SIMC1: variants seen among roughly 807,000 people sequenced by gnomAD.
The protein encoded by SIMC1 is SUMO-interacting motif-containing protein 1.
Under a neutral mutation model 82.3 loss-of-function variants are expected in SIMC1, and 55 were observed. The observed-to-expected ratio is 0.67, with a 90% confidence interval of 0.54 to 0.84. The LOEUF (loss-of-function observed/expected upper bound fraction) is 0.84. SIMC1 is among the 40% of genes least tolerant of loss of function. The pLI is 0.00. For synonymous variants in SIMC1, 353 were observed against 426.3 expected, an observed-to-expected ratio of 0.83 and a Z score of 2.12; for missense variants, 915 against 1,107.2, an observed-to-expected ratio of 0.83 and a Z score of 2.46.
intron 5 of SIMC1, among the ~76,000 whole-genome samples, chr5:176,318,902 G>A (rs1234574166): frequency 1.3e-5 from 2 of 152,152 alleles, no homozygotes; most frequent in Admixed American, 6.5e-5. Flanking sequence ...GAGCTCAGGT[G>A]TTCAAGACCA....
intron 9 of SIMC1, among the ~76,000 whole-genome samples, chr5:176,340,572 A>G (rs1227617492): frequency 6.6e-6 from 1 of 152,230 alleles, no homozygotes; most frequent in Non-Finnish European, 1.5e-5. Flanking sequence ...AAGCAGAAGC[A>G]GGTAGGATCA....
intron 1 of SIMC1, among the ~76,000 whole-genome samples, chr5:176,282,693 A>C (rs1196367094): frequency 2.6e-5 from 4 of 152,216 alleles, no homozygotes; most frequent in Non-Finnish European, 5.9e-5. Flanking sequence ...TGACGAGTTG[A>C]GAGAACAAGA....
chr5:176,332,658 T>G (rs1296819550), intron 7 of SIMC1, among the ~76,000 whole-genome samples: 1 of 152,174 alleles, frequency 6.6e-6, no homozygotes, highest in Non-Finnish European at 1.5e-5. Context: ...TTAAGGAATG[T>G]TAAATATTAA....
rs190471278 is a variant in SIMC1, at chr5:176,247,417, T to A, written c.129+8780T>A. Among the ~76,000 whole-genome samples, 564 of 152,254 alleles carry A rather than the reference T, an allele frequency of 3.7e-3. 4 individuals carry two copies. The highest frequency in any genetic ancestry group is 0.013 in the African/African-American group (536 of 41,536). ...CGCGTAAATGTCTTCTTTTAAGAAG[T>A]GTCTGTTTATATCCTTCGCCCACTT... On this transcript the variant is annotated intron_variant, in intron 1 of 9. Transcript: ENST00000429602.
rs563892664 is a variant in SIMC1, at chr5:176,345,510, C to G, written c.*65C>G. ...CTCTCTCTCCAACTGCTCAGAAGCT[C>G]TAAAAGCATGAAAAGTGGTTAAAAT... On this transcript the variant is annotated 3_prime_UTR_variant, in exon 10 of 10. Coordinates refer to ENST00000429602, the MANE Select transcript of SIMC1 (RefSeq NM_001308195.2). 1,043 of 1,519,984 alleles carry G rather than the reference C, an allele frequency of 6.9e-4. No individual in the cohort carries two copies. The highest frequency in any genetic ancestry group is 8.3e-4 in the Non-Finnish European group (942 of 1,134,696). 94.2% of individuals were successfully genotyped at this position (1,519,984 alleles called of 1,614,324 possible).
intron 6 of SIMC1, chr5:176,322,760 T>C (rs989630449): frequency 5.1e-6 from 1 of 196,316 alleles, no homozygotes; most frequent in Admixed American, 5.4e-5. Context: ...CAGATATCTG[T>C]TGCCATAGAG....
chr5:176,294,823 G>A, intron 2 of SIMC1: 2 of 533,476 alleles, frequency 3.7e-6, no homozygotes, highest in Non-Finnish European at 6.3e-6. Context: ...AAATTAGCCG[G>A]GCGTGGTGGT....
chr5:176,286,928 GA>G (rs2113245476), intron 1 of SIMC1, among the ~76,000 whole-genome samples: 1 of 152,244 alleles, frequency 6.6e-6, no homozygotes, highest in East Asian at 1.9e-4. Context: ...ACCACAATGA[GA>G]TACCATATCA....
At chr5:176,281,749 C>T (rs930579214) in intron 1 of SIMC1, among the ~76,000 whole-genome samples, 6 of 152,284 alleles carry the variant, frequency 3.9e-5, no homozygotes, top group Non-Finnish European at 7.3e-5. Context: ...AGTGGTTTTT[C>T]GTGAACCGCG....
Position 176,275,250 on chromosome 5 carries a change from A to G in SIMC1, c.130-14404A>G, listed in dbSNP as rs370095181. 2.8e-3 allele frequency among the ~76,000 whole-genome samples: 431 copies of G among 151,748 alleles called. 7 individuals are homozygous for G. In the East Asian group the frequency reaches 0.037, roughly 13 times the overall value. On this transcript the variant is annotated intron_variant, in intron 1 of 9. Transcript: ENST00000429602. ...TCTCTTTGAAGCAATTGTGAATGGGAGTTCACTCATGATTTGGCTCTCTGT... is the reference window on the plus strand; with the variant it reads ...TCTCTTTGAAGCAATTGTGAATGGGGGTTCACTCATGATTTGGCTCTCTGT...
At position 176,290,740 on chromosome 5, in the gene SIMC1, G is replaced by C. The variant is rs774425548; in HGVS notation, c.1216G>C (p.Glu406Gln). Residue 406 changes from glutamate (E) to glutamine (Q), a missense_variant, in exon 2 of 10, where the codon GAG becomes CAG. Transcript: ENST00000429602. ...SPSPQSETPL[E>Q]KVPWLSVMET... ...CAGCCCACAGTCTGAAACTCCCTTA[G>C]AGAAAGTTCCTTGGCTCTCTGTCAT... is the stretch of plus-strand genomic sequence containing the variant. 1.2e-6 allele frequency: 2 copies of C among 1,613,418 alleles called. No individual in the cohort carries two copies. Among genetic ancestry groups the C allele is most frequent in the African/African-American group, 2.7e-5 (2 of 74,900 alleles).
chr5:176,280,233 CTTCTTTGTCTCTTTTG>C (rs1762926587), intron 1 of SIMC1, among the ~76,000 whole-genome samples: 1 of 152,130 alleles, frequency 6.6e-6, no homozygotes, highest in Admixed American at 6.5e-5. Context: ...ATCTAATGGC[CTTCTTTGTCTCTTTTG>C]ATCTTTGTTG....
At chr5:176,322,147 C>A in intron 5 of SIMC1, 126 bp from the exon 6 acceptor site, 1 of 1,080,538 alleles carries the variant, frequency 9.3e-7, no homozygotes, top group African/African-American at 1.6e-5. Flanking sequence ...GATCTGGGGG[C>A]CCAGGTTAAG....
At chr5:176,318,046 C>G (rs1369653902) in intron 5 of SIMC1, among the ~76,000 whole-genome samples, 1 of 152,152 alleles carries the variant, frequency 6.6e-6, no homozygotes, top group Non-Finnish European at 1.5e-5. Flanking sequence ...GATGTACAAC[C>G]TATGTAAATG....
intron 4 of SIMC1, among the ~76,000 whole-genome samples, chr5:176,305,755 TG>T (rs1764325577): frequency 2.4e-5 from 1 of 41,668 alleles, no homozygotes; most frequent in African/African-American, 9.9e-5. Flanking sequence ...GGGAGGGAGG[TG>T]AGGGGGTCAG....
At chr5:176,272,856 T>C (rs1172961721) in intron 1 of SIMC1, among the ~76,000 whole-genome samples, 1 of 152,142 alleles carries the variant, frequency 6.6e-6, no homozygotes, top group Non-Finnish European at 1.5e-5. Flanking sequence ...CAGTCTGAGA[T>C]TGAACTGCAA....
At chr5:176,294,114 C>A (rs1288925476) in intron 2 of SIMC1, among the ~76,000 whole-genome samples, 1 of 152,160 alleles carries the variant, frequency 6.6e-6, no homozygotes, top group African/African-American at 2.4e-5. Context: ...TCTCTAGTTA[C>A]CCTCACCCCA....
chr5:176,246,565 G>A (rs1761454304), intron 1 of SIMC1, among the ~76,000 whole-genome samples: 1 of 151,588 alleles, frequency 6.6e-6, no homozygotes, highest in African/African-American at 2.4e-5. Context: ...AGCCTCCCGA[G>A]TAGCTGGGAT....
chr5:176,280,777 G>A (rs1197007221), intron 1 of SIMC1, among the ~76,000 whole-genome samples: 2 of 152,176 alleles, frequency 1.3e-5, no homozygotes, highest in East Asian at 1.9e-4. Context: ...CTTCCGGCTT[G>A]TAGAGTTTCT....
Sources: allele counts gnomAD v4.1 joint callset (sites outside exome capture counted in the v4.1 genomes callset), GRCh38; gene constraint gnomAD v4.1.1; transcripts MANE v1.5; gene names NCBI Gene and HGNC (gene_info 2026-07-23, HGNC 2026-07-21).